Variants in ABL2 observed in about 807,000 individuals in gnomAD.
ABL2 encodes the protein tyrosine-protein kinase ABL2.
In ABL2, 49 loss-of-function variants were observed where a neutral mutation model predicts 107.7. The observed-to-expected ratio is 0.45, with a 90% CI of 0.36 to 0.58. The LOEUF (loss-of-function observed/expected upper bound fraction) is 0.58. Ranked by LOEUF, ABL2 falls within the 20% of genes least tolerant of loss-of-function variation. ABL2 has a pLI of 0.00. For missense variants in ABL2, 1,245 were observed against 1,457.0 expected (o/e 0.85, Z 2.37); for synonymous variants, 549 against 548.6 (o/e 1.00, Z -0.01).
intron 1 of ABL2, among the ~76,000 whole-genome samples, chr1:179,135,117 A>G (rs575766882): frequency 0.015 from 2,308 of 152,168 alleles, 58 homozygotes; most frequent in African/African-American, 0.051. Flanking sequence ...TGGCCTCCCA[A>G]AGTGCCGAGA....
rs562899587 is a variant in ABL2, at chr1:179,124,464, C to CT, written c.687+1912dup. Among the ~76,000 whole-genome samples, 238 of 83,320 alleles carry CT rather than the reference C, an allele frequency of 2.9e-3. 15 individuals are homozygous for CT. Among genetic ancestry groups the CT allele is most frequent in the East Asian group, 4.3e-3 (11 of 2,556 alleles). The allele number at this position is 83,320 out of a possible 152,430, so 54.7% of individuals were successfully genotyped here. On this transcript the variant is annotated intron_variant, in intron 4 of 11. Transcript: ENST00000502732. Reference sequence around the variant, plus strand: ...TTCTAACATCTTAGATTAGCTTCTGCTTTTTTTTTTTTTTTTTTTTTTGAG... The same window carrying CT: ...TTCTAACATCTTAGATTAGCTTCTGCTTTTTTTTTTTTTTTTTTTTTTTGAG...
At chr1:179,152,279 G>C (rs919151987) in intron 1 of ABL2, among the ~76,000 whole-genome samples, 13 of 152,274 alleles carry the variant, frequency 8.5e-5, no homozygotes, top group Admixed American at 7.2e-4. Context: ...CAGTTAATCA[G>C]AATTACTGAC....
rs746665603 is a variant in ABL2 at position 179,131,347 on chromosome 1, C to T, written c.355G>A (p.Val119Ile). 3.7e-6 allele frequency: 6 copies of T among 1,614,134 alleles called. No individual in the cohort carries two copies. The South Asian group carries it at 4.4e-5, about 12-fold the overall frequency. ...PNLFVALYDF[V>I]ASGDNTLSIT... ...CTGAGTGTGTTATCACCACTTGCTA[C>T]AAAATCATAAAGTGCAACGAAGAGA... is the stretch of plus-strand genomic sequence containing the variant. Residue 119 changes from valine (V) to isoleucine (I), a missense_variant, in exon 3 of 12, where the codon GTA becomes ATA. By Grantham distance (29) the Val-to-Ile change is conservative (BLOSUM62 3). Transcript: ENST00000502732.
At chr1:179,133,218 T>C in intron 2 of ABL2, 94 bp downstream of exon 2, 1 of 1,573,372 alleles carries the variant, frequency 6.4e-7, no homozygotes, top group South Asian at 1.2e-5. Context: ...AACCCTTGAA[T>C]TTGTGGTTCC....
intron 1 of ABL2, among the ~76,000 whole-genome samples, chr1:179,156,795 G>A (rs1410397902): frequency 5.3e-5 from 8 of 151,926 alleles, no homozygotes; most frequent in East Asian, 3.9e-4. Flanking sequence ...GGAGAATTGC[G>A]TGAACCAGGG....
At chr1:179,123,105 T>G (rs1655383163) in intron 4 of ABL2, among the ~76,000 whole-genome samples, 1 of 152,138 alleles carries the variant, frequency 6.6e-6, no homozygotes, top group Non-Finnish European at 1.5e-5. Context: ...GTAAAAAACA[T>G]AACTTGAAAA....
intron 1 of ABL2, among the ~76,000 whole-genome samples, chr1:179,179,392 G>A (rs538899442): frequency 8.1e-4 from 123 of 151,746 alleles, no homozygotes; most frequent in Admixed American, 2.6e-3. Context: ...TTTAAAAGCC[G>A]AGATATTCAA....
chr1:179,111,281 CTTTT>C (rs748453531), intron 10 of ABL2, among the ~76,000 whole-genome samples: 7 of 82,268 alleles, frequency 8.5e-5, no homozygotes, highest in East Asian at 3.9e-4. Flanking sequence ...AGTGCTCAGT[CTTTT>C]TTTTTTTTTT....
chr1:179,144,185 C>T (rs896689243), intron 1 of ABL2, among the ~76,000 whole-genome samples: 2 of 151,882 alleles, frequency 1.3e-5, no homozygotes, highest in Non-Finnish European at 2.9e-5. Flanking sequence ...AGGCCAGGGG[C>T]GGTGGCTCAC....
intron 1 of ABL2, among the ~76,000 whole-genome samples, chr1:179,223,861 C>T: frequency 6.6e-6 from 1 of 151,044 alleles, no homozygotes; most frequent in Non-Finnish European, 1.5e-5. Flanking sequence ...GGTGCGGTGG[C>T]TCACACCTGT....
chr1:179,103,642 T>C lies in ABL2; in HGVS notation c.*4076A>G. 4.5e-6 allele frequency: 1 copy of C among 223,840 alleles called. No individual in the cohort carries two copies. The highest frequency in any genetic ancestry group is 8.9e-6 in the Non-Finnish European group (1 of 112,052). The allele number at this position is 223,840 out of a possible 1,614,324, so 13.9% of individuals were successfully genotyped here. A position where few individuals can be genotyped will look rare whatever the true frequency, so the allele number is the denominator to read the frequency against. On this transcript the variant is annotated 3_prime_UTR_variant, in exon 12 of 12. Transcript: ENST00000502732. ...CTACTGAGTGCTTGCTTGGCTTGTG[T>C]TCCCATTACTCCACATTCAAGCCCC...
At position 179,108,604 on chromosome 1, in the gene ABL2, G is replaced by T. The variant is rs2102576318; in HGVS notation, c.2663C>A (p.Pro888His). ...CCCACCATTCTTCTCTTTACCCTTG[G>T]GGGCAGCTGCCACTCCAGCCACTCC... ...GVGVAGVAAA[P>H]KGKEKNGGAR... The change falls in exon 12 of 12, where the codon CCC becomes CAC. Residue 888 changes from proline (P) to histidine (H), a missense_variant. Around this residue, in one of 3 missense-constraint regions of ABL2, gnomAD observed 761 missense variants for 766.4 expected, o/e 0.99. Coordinates refer to ENST00000502732, the MANE Select transcript of ABL2 (RefSeq NM_007314.4). 6.2e-7 allele frequency: 1 copy of T among 1,614,042 alleles called. No individual in the cohort carries two copies. Among genetic ancestry groups the T allele is most frequent in the East Asian group, 2.2e-5 (1 of 44,856 alleles).
At chr1:179,183,314 TCAC>T (rs1250908197) in intron 1 of ABL2, among the ~76,000 whole-genome samples, 1 of 152,066 alleles carries the variant, frequency 6.6e-6, no homozygotes, top group Non-Finnish European at 1.5e-5. Context: ...AGCTCAGACT[TCAC>T]CACGACATAA....
At chr1:179,134,874 C>T (rs897033083) in intron 1 of ABL2, among the ~76,000 whole-genome samples, 4 of 152,242 alleles carry the variant, frequency 2.6e-5, no homozygotes, top group East Asian at 1.9e-4. Flanking sequence ...CGAGTGCAGG[C>T]GCGCACCGCC....
chr1:179,160,492 A>G (rs1423467830), intron 1 of ABL2, among the ~76,000 whole-genome samples: 1 of 152,156 alleles, frequency 6.6e-6, no homozygotes, highest in Non-Finnish European at 1.5e-5. Context: ...TTAGATTAGT[A>G]TGTATACAAT....
intron 1 of ABL2, among the ~76,000 whole-genome samples, chr1:179,213,111 T>G (rs1662373934): frequency 6.6e-6 from 1 of 151,294 alleles, no homozygotes; most frequent in Non-Finnish European, 1.5e-5. Flanking sequence ...TTCTAGTAAC[T>G]ACATCAAAAA....
intron 1 of ABL2, among the ~76,000 whole-genome samples, chr1:179,198,499 C>A (rs1369728012): frequency 6.6e-6 from 1 of 151,880 alleles, no homozygotes; most frequent in African/African-American, 2.4e-5. Context: ...TCGAGACCAG[C>A]CTGGCCAACA....
intron 4 of ABL2, among the ~76,000 whole-genome samples, chr1:179,124,547 C>T (rs1056774047): frequency 1.4e-5 from 2 of 143,912 alleles, no homozygotes; most frequent in East Asian, 2.2e-4. Context: ...TGGCTCACTA[C>T]AACCTCCACC....
At chr1:179,224,630 C>T (rs1303675878) in intron 1 of ABL2, among the ~76,000 whole-genome samples, 2 of 151,944 alleles carry the variant, frequency 1.3e-5, no homozygotes, top group Non-Finnish European at 2.9e-5. Flanking sequence ...TAAAATCATT[C>T]AGCTGTTAAA....
Sources: allele counts gnomAD v4.1 joint callset (sites outside exome capture counted in the v4.1 genomes callset), GRCh38; gene constraint gnomAD v4.1.1; regional missense constraint gnomAD v4.1.1; transcripts MANE v1.5; gene names NCBI Gene and HGNC (gene_info 2026-07-23, HGNC 2026-07-21).